Variants in ATP2A2 observed in about 807,000 individuals in gnomAD.
ATP2A2 encodes sarcoplasmic/endoplasmic reticulum calcium ATPase 2.
In ATP2A2, 14 loss-of-function variants were observed where a neutral mutation model predicts 109.3. The observed-to-expected ratio is 0.13, with a 90% confidence interval of 0.08 to 0.20. The LOEUF is 0.20. Ranked by LOEUF, ATP2A2 falls within the 10% of genes least tolerant of loss-of-function variation. ATP2A2 has a pLI of 1.00. For missense variants in ATP2A2, 657 were observed against 1,321.6 expected, an observed-to-expected ratio of 0.50 and a Z score of 7.80; for synonymous variants, 506 against 490.9, an observed-to-expected ratio of 1.03 and a Z score of -0.41.
chr12:110,291,547 A>C (rs1793892380), intron 3 of ATP2A2, among the ~76,000 whole-genome samples: 1 of 152,032 alleles, frequency 6.6e-6, no homozygotes, highest in Admixed American at 6.6e-5. Context: ...TGAACAAGAC[A>C]TAGCCAGTTG....
intron 6 of ATP2A2, among the ~76,000 whole-genome samples, chr12:110,324,206 C>G (rs960381267): frequency 1.3e-5 from 2 of 152,144 alleles, no homozygotes; most frequent in South Asian, 4.1e-4. Context: ...ATCTGATTAT[C>G]AATTTTGAAA....
intron 5 of ATP2A2, among the ~76,000 whole-genome samples, chr12:110,319,478 G>A (rs1208536492): frequency 1.3e-5 from 2 of 151,210 alleles, no homozygotes; most frequent in Non-Finnish European, 2.9e-5. Flanking sequence ...TCAGTATTTG[G>A]CCAAAAGTTA....
chr12:110,315,413 A>C (rs915925826), intron 5 of ATP2A2, among the ~76,000 whole-genome samples: 1 of 152,186 alleles, frequency 6.6e-6, no homozygotes, highest in Admixed American at 6.5e-5. Context: ...GTTCATTATA[A>C]AATATTCCTT....
At chr12:110,310,323 C>A (rs1304181884) in intron 5 of ATP2A2, among the ~76,000 whole-genome samples, 2 of 150,032 alleles carry the variant, frequency 1.3e-5, no homozygotes, top group Non-Finnish European at 3.0e-5. Flanking sequence ...ACAAGGTCTC[C>A]CTGTATTACC....
At position 110,282,641 on chromosome 12, in the gene ATP2A2, T is replaced by A; in HGVS notation, c.136+20T>A. 6.2e-7 allele frequency: 1 copy of A among 1,613,284 alleles called. No individual in the cohort carries two copies. The highest frequency in any genetic ancestry group is 8.5e-7 in the Non-Finnish European group (1 of 1,179,254). On this transcript the variant is annotated intron_variant, in intron 2 of 19. Transcript: ENST00000539276. The stretch of plus-strand genomic sequence containing the variant: ...AAGAAGGTAATCTTAACATGCTGTT[T>A]CTGTTTTTTTTCCTCTGTTGGTGTG...
chr12:110,334,096 G>A lies in ATP2A2; in HGVS notation c.1372G>A (p.Glu458Lys), dbSNP rs757914881. ...LVEKMNVFDT[E>K]LKGLSKIERA... ...AGAGAAGATGAATGTATTTGATACCGAATTGAAGGGTCTTTCTAAAATAGA... is the reference window on the plus strand; with the variant it reads ...AGAGAAGATGAATGTATTTGATACCAAATTGAAGGGTCTTTCTAAAATAGA... The change falls in exon 11 of 20, where the codon GAA becomes AAA. Residue 458 changes from glutamate to lysine, a missense_variant. Glu to Lys is a moderately conservative substitution (Grantham distance 56). Transcript: ENST00000539276. The A allele has an allele frequency of 1.4e-5, 22 of 1,613,950 alleles. No individual in the cohort carries two copies. The highest frequency in any genetic ancestry group is 1.1e-4 in the South Asian group (10 of 91,080).
Position 110,342,254 on chromosome 12 carries a change from T to G in ATP2A2, c.2124T>G (p.Pro708=), listed in dbSNP as rs1315627686. 1 of 1,614,244 alleles carries G rather than the reference T, an allele frequency of 6.2e-7. No individual in the cohort carries two copies. Among genetic ancestry groups the G allele is most frequent in the East Asian group, 2.2e-5 (1 of 44,886 alleles). ...AMTGDGVNDA[P]ALKKAEIGIA... The stretch of plus-strand genomic sequence containing the variant: ...CTGGCGATGGCGTGAACGATGCTCC[T>G]GCTCTGAAGAAAGCCGAGATTGGCA... Residue 708 remains proline, a synonymous_variant, in exon 15 of 20, where the codon CCT becomes CCG. Transcript: ENST00000539276. The surrounding 1 kb of genome is among the most constrained non-coding windows in gnomAD (Gnocchi z 4.6).
intron 4 of ATP2A2, chr12:110,296,333 A>G: frequency 2.3e-6 from 1 of 442,120 alleles, no homozygotes; most frequent in Non-Finnish European, 4.2e-6. Context: ...TGTGTTTTAC[A>G]GTCTTAGGGA....
Position 110,349,070 on chromosome 12 carries a change from G to A in ATP2A2, c.*2600G>A. 1.0e-6 allele frequency: 1 copy of A among 985,456 alleles called. No individual in the cohort carries two copies. The highest frequency in any genetic ancestry group is 1.2e-6 in the Non-Finnish European group (1 of 829,964). 61.0% of individuals were successfully genotyped at this position (985,456 alleles called of 1,614,324 possible). ...GCTTCAGACCCCTCCAGCCCACAGA[G>A]GAGCCCATGGAGGGACCCACTTCCC... On this transcript the variant is annotated 3_prime_UTR_variant, in exon 20 of 20. Transcript: ENST00000539276.
upstream of ATP2A2, chr12:110,280,676 G>A (rs1450500861): frequency 3.3e-5 from 5 of 152,282 alleles, no homozygotes; most frequent in African/African-American, 1.2e-4. Flanking sequence ...GGGGGTGTAG[G>A]ATGCGGTGTT....
chr12:110,312,706 C>T lies in ATP2A2; in HGVS notation c.464-10286C>T, dbSNP rs184774487. ...CTTCACTAAAAATACAAAAATTACC[C>T]GGGTGTGGTGGTGGATGCCTGTAAT... On this transcript the variant is annotated intron_variant, in intron 5 of 19. Transcript: ENST00000539276. 6.9e-3 allele frequency among the ~76,000 whole-genome samples: 1,047 copies of T among 151,874 alleles called. 1 individual carries two copies. Among genetic ancestry groups the T allele is most frequent in the Non-Finnish European group, 9.5e-3 (643 of 67,946 alleles).
Position 110,281,628 on chromosome 12 carries a change from G to C in ATP2A2, c.-162G>C, listed in dbSNP as rs921861678. ...CGGTTGTCTGGGGGAGGGGGCGCGG[G>C]GTGATTCAGCGCCCGGCGAGGCGGA... On this transcript the variant is annotated 5_prime_UTR_variant, in exon 1 of 20. Coordinates refer to ENST00000539276, the MANE Select transcript of ATP2A2 (RefSeq NM_170665.4). 2.4e-6 allele frequency: 1 copy of C among 421,164 alleles called. No individual in the cohort carries two copies. Among genetic ancestry groups the C allele is most frequent in the Non-Finnish European group, 4.1e-6 (1 of 241,386 alleles). The allele number at this position is 421,164 out of a possible 1,614,324, so 26.1% of individuals were successfully genotyped here. A position where few individuals can be genotyped will look rare whatever the true frequency, so the allele number is the denominator to read the frequency against.
At chr12:110,300,275 T>A (rs1325157622) in intron 5 of ATP2A2, among the ~76,000 whole-genome samples, 1 of 137,580 alleles carries the variant, frequency 7.3e-6, no homozygotes, top group East Asian at 2.4e-4. Context: ...GACCTCGAAC[T>A]CCTTGGCTTC....
At chr12:110,289,036 T>C (rs1872976257) in intron 3 of ATP2A2, among the ~76,000 whole-genome samples, 1 of 152,196 alleles carries the variant, frequency 6.6e-6, no homozygotes, top group Admixed American at 6.5e-5. Flanking sequence ...TTGTTCTTCA[T>C]TTTGGGCTGT....
At position 110,350,360 on chromosome 12, in the gene ATP2A2, C is replaced by T. The variant is rs993733590; in HGVS notation, c.*3890C>T. On this transcript the variant is annotated 3_prime_UTR_variant, in exon 20 of 20. Coordinates refer to ENST00000539276, the MANE Select transcript of ATP2A2 (RefSeq NM_170665.4). ...AAGGGTGTTCGGTTGCGTGCATGTGCGTTTTTAGCAACACATCTACCAACC... is the reference window on the plus strand; with the variant it reads ...AAGGGTGTTCGGTTGCGTGCATGTGTGTTTTTAGCAACACATCTACCAACC... 30 of 1,613,880 alleles carry T rather than the reference C, an allele frequency of 1.9e-5. No individual in the cohort carries two copies. Among genetic ancestry groups the T allele is most frequent in the Admixed American group, 1.5e-4 (9 of 59,986 alleles).
Position 110,339,581 on chromosome 12 carries a change from A to G in ATP2A2, c.1621A>G (p.Lys541Glu), listed in dbSNP as rs1471327328. 6.2e-7 allele frequency: 1 copy of G among 1,614,216 alleles called. No individual in the cohort carries two copies. The highest frequency in any genetic ancestry group is 2.2e-5 in the East Asian group (1 of 44,892). ...TAAGGTTCCTATGACCTCTGGAGTC[A>G]AACAGAAGATCATGTCTGTCATTCG... is the stretch of plus-strand genomic sequence containing the variant. ...STKVPMTSGV[K>E]QKIMSVIREW... Residue 541 changes from lysine (K) to glutamate (E), a missense_variant, in exon 13 of 20, where the codon AAA (lysine) becomes GAA (glutamate). Physicochemically the swap from Lys to Glu is moderately conservative, Grantham distance 56 (BLOSUM62 1). Transcript: ENST00000539276. The surrounding 1 kb of genome is among the most constrained non-coding windows in gnomAD (Gnocchi z 4.4).
chr12:110,286,135 G>A (rs1872641810), intron 3 of ATP2A2, among the ~76,000 whole-genome samples: 1 of 152,046 alleles, frequency 6.6e-6, no homozygotes, highest in Admixed American at 6.6e-5. Flanking sequence ...TGTTGGCCAG[G>A]CTGGTCTCGA....
rs888480438 is a variant in ATP2A2 at position 110,346,889 on chromosome 12, C to A, written c.*419C>A. 6.2e-5 allele frequency: 68 copies of A among 1,088,690 alleles called. No homozygotes were observed. Among genetic ancestry groups the A allele is most frequent in the Non-Finnish European group, 5.3e-5 (47 of 893,300 alleles). 67.4% of individuals were successfully genotyped at this position (1,088,690 alleles called of 1,614,324 possible). ...TGTATTGTGTCTTTTGCATGATGAT[C>A]CGGATTTAATTTGATATCACAGTCT... is the stretch of plus-strand genomic sequence containing the variant. On this transcript the variant is annotated 3_prime_UTR_variant, in exon 20 of 20. Coordinates refer to ENST00000539276, the MANE Select transcript of ATP2A2 (RefSeq NM_170665.4).
At chr12:110,288,721 T>A (rs953744517) in intron 3 of ATP2A2, among the ~76,000 whole-genome samples, 1 of 152,182 alleles carries the variant, frequency 6.6e-6, no homozygotes, top group Non-Finnish European at 1.5e-5. Flanking sequence ...AGATAATTCT[T>A]TATATTCAAC....
Sources: gnomAD v4.1 joint callset for allele counts (sites outside exome capture counted in the v4.1 genomes callset) on GRCh38, gnomAD v4.1.1 for gene constraint, Gnocchi (gnomAD v3.1) non-coding constraint, MANE v1.5 for transcripts, NCBI Gene and HGNC (gene_info 2026-07-23, HGNC 2026-07-21) for gene names.